Variants in SGCZ observed in about 807,000 individuals in gnomAD.
SGCZ encodes sarcoglycan zeta, also known as zeta-sarcoglycan.
In SGCZ, 40 loss-of-function variants were observed where a neutral mutation model predicts 41.3. The ratio of observed to expected loss-of-function variants is 0.97; its 90% CI spans 0.75 to 1.26. SGCZ has a LOEUF of 1.26. SGCZ is among the 50% of genes most tolerant of loss of function. The pLI is 0.00. For missense variants in SGCZ, 552 were observed against 369.8 expected, an observed-to-expected ratio of 1.49 and a Z score of -4.04; for synonymous variants, 206 against 137.5, an observed-to-expected ratio of 1.50 and a Z score of -3.49.
chr8:14,868,109 G>A (rs559352359), intron 1 of SGCZ, among the ~76,000 whole-genome samples: 9 of 152,160 alleles, frequency 5.9e-5, no homozygotes, highest in South Asian at 2.1e-4. Context: ...AAGCCTCTGC[G>A]TTCGCTGTTC....
chr8:15,172,147 A>G (rs13253715), intron 1 of SGCZ, among the ~76,000 whole-genome samples: 67,800 of 132,592 alleles, frequency 0.51, 17,472 homozygotes, highest in Non-Finnish European at 0.56. Context: ...AATGCCTTTT[A>G]TACTCTGTTT....
chr8:14,255,350 C>G (rs10088988), intron 3 of SGCZ, among the ~76,000 whole-genome samples: 112,119 of 152,104 alleles, frequency 0.74, 42,634 homozygotes, highest in Non-Finnish European at 0.83. Context: ...CCTGCTCATT[C>G]GAAGATGTTT....
chr8:14,393,220 G>C (rs763554915), intron 2 of SGCZ, among the ~76,000 whole-genome samples: 5 of 152,114 alleles, frequency 3.3e-5, no homozygotes, highest in Non-Finnish European at 7.4e-5. Flanking sequence ...GTAAATATAT[G>C]GGAGTCCTCA....
chr8:14,273,355 T>C (rs1283926705), intron 3 of SGCZ, among the ~76,000 whole-genome samples: 1 of 152,164 alleles, frequency 6.6e-6, no homozygotes, highest in Non-Finnish European at 1.5e-5. Context: ...ATGTGTCTAG[T>C]TTTGAAATGT....
chr8:14,240,064 C>T (rs1260396489), intron 3 of SGCZ, among the ~76,000 whole-genome samples: 1 of 151,832 alleles, frequency 6.6e-6, no homozygotes, highest in Admixed American at 6.6e-5. Context: ...TGGTGGCTGA[C>T]ACCTGCAATC....
chr8:14,875,827 A>T (rs1239754998), intron 1 of SGCZ, among the ~76,000 whole-genome samples: 1 of 152,170 alleles, frequency 6.6e-6, no homozygotes, highest in Non-Finnish European at 1.5e-5. Context: ...ATGATTTCAC[A>T]TCTGGGCCAC....
At chr8:14,846,833 G>A (rs1803129205) in intron 1 of SGCZ, among the ~76,000 whole-genome samples, 1 of 151,966 alleles carries the variant, frequency 6.6e-6, no homozygotes, top group South Asian at 2.1e-4. Context: ...ACTTTGGGAG[G>A]CCGAGTCGGG....
chr8:15,045,483 C>A (rs1194778431), intron 1 of SGCZ, among the ~76,000 whole-genome samples: 1 of 152,004 alleles, frequency 6.6e-6, no homozygotes, highest in Non-Finnish European at 1.5e-5. Flanking sequence ...TCAGTAATAA[C>A]CAAGTTGCTT....
intron 4 of SGCZ, among the ~76,000 whole-genome samples, chr8:14,181,289 C>T (rs565276713): frequency 2.6e-5 from 4 of 152,324 alleles, no homozygotes; most frequent in African/African-American, 7.2e-5. Context: ...CAATCAGCAA[C>T]AAGTTCAATT....
At chr8:14,695,491 G>A (rs766216628) in intron 1 of SGCZ, among the ~76,000 whole-genome samples, 2 of 152,120 alleles carry the variant, frequency 1.3e-5, no homozygotes, top group Non-Finnish European at 2.9e-5. Flanking sequence ...GCAGGATGGA[G>A]TAGGATGCAA....
chr8:15,159,736 CCCCACCCT>C (rs1224799613), intron 1 of SGCZ, among the ~76,000 whole-genome samples: 2 of 33,288 alleles, frequency 6.0e-5, no homozygotes, highest in African/African-American at 2.2e-4. Context: ...CCCCCGCCCC[CCCCACCCT>C]CCCCCCCACC....
intron 1 of SGCZ, among the ~76,000 whole-genome samples, chr8:14,740,042 G>A (rs544685165): frequency 6.6e-6 from 1 of 151,962 alleles, no homozygotes; most frequent in South Asian, 2.1e-4. Flanking sequence ...TATTCTGTGG[G>A]GATGGGGTCA....
intron 2 of SGCZ, among the ~76,000 whole-genome samples, chr8:14,424,545 T>C (rs1214162793): frequency 1.3e-5 from 2 of 152,206 alleles, no homozygotes; most frequent in Admixed American, 1.3e-4. Flanking sequence ...TCCCATATGG[T>C]ACCATAATGT....
At chr8:14,972,942 T>C (rs375976449) in intron 1 of SGCZ, among the ~76,000 whole-genome samples, 131 of 152,334 alleles carry the variant, frequency 8.6e-4, no homozygotes, top group African/African-American at 3.0e-3. Context: ...GGTCATCCCT[T>C]TGTGTAGTTA....
At chr8:14,216,678 T>A (rs960736583) in intron 4 of SGCZ, among the ~76,000 whole-genome samples, 1 of 152,092 alleles carries the variant, frequency 6.6e-6, no homozygotes, top group Non-Finnish European at 1.5e-5. Flanking sequence ...TACTTAATGA[T>A]GTTCAACACC....
chr8:14,320,899 A>T (rs985641876), intron 3 of SGCZ, among the ~76,000 whole-genome samples: 3 of 152,044 alleles, frequency 2.0e-5, no homozygotes, highest in Non-Finnish European at 2.9e-5. Context: ...ACACGATGCA[A>T]ATTTTGCTGG....
chr8:15,154,887 G>T (rs763637131), intron 1 of SGCZ, among the ~76,000 whole-genome samples: 1 of 152,160 alleles, frequency 6.6e-6, no homozygotes, highest in African/African-American at 2.4e-5. Context: ...TAGATAGGAG[G>T]AATAAGCTCT....
chr8:14,344,810 T>C (rs1217985687), intron 2 of SGCZ, among the ~76,000 whole-genome samples: 3 of 151,846 alleles, frequency 2.0e-5, no homozygotes, highest in East Asian at 1.9e-4. Context: ...TATAGCAACA[T>C]AAACCCATCA....
intron 2 of SGCZ, among the ~76,000 whole-genome samples, chr8:14,430,342 T>C (rs151231518): frequency 1.3e-5 from 2 of 152,108 alleles, no homozygotes; most frequent in African/African-American, 4.8e-5. Flanking sequence ...AAAAGATAAT[T>C]CACCATAATC....
Sources: allele counts gnomAD v4.1 joint callset (sites outside exome capture counted in the v4.1 genomes callset), GRCh38; gene constraint gnomAD v4.1.1; transcripts MANE v1.5; gene names NCBI Gene and HGNC (gene_info 2026-07-23, HGNC 2026-07-21).